GNRHR: variants seen among roughly 807,000 people sequenced by gnomAD.
GNRHR encodes gonadotropin releasing hormone receptor.
In GNRHR, 14 loss-of-function variants were observed where a neutral mutation model predicts 28.1. The ratio of observed to expected loss-of-function variants is 0.50; its 90% CI spans 0.33 to 0.78. The LOEUF is 0.78. Among genes scored for constraint, GNRHR ranks in the 30% least tolerant of loss-of-function variants. The pLI is 0.02. For missense variants in GNRHR, 366 were observed against 382.1 expected, an observed-to-expected ratio of 0.96 and a Z score of 0.35; for synonymous variants, 141 against 140.5, an observed-to-expected ratio of 1.00 and a Z score of -0.02.
chr4:67,740,196 A>T lies in GNRHR; in HGVS notation c.*284T>A, dbSNP rs962799034. 1 of 330,064 alleles carries T rather than the reference A, an allele frequency of 3.0e-6. No homozygotes were observed. Among genetic ancestry groups the T allele is most frequent in the Non-Finnish European group, 5.7e-6 (1 of 175,866 alleles). The allele number at this position is 330,064 out of a possible 1,614,324, so 20.4% of individuals were successfully genotyped here. A position where few individuals can be genotyped will look rare whatever the true frequency, so the allele number is the denominator to read the frequency against. ...TAAATATTAGTACATTATTATGCAA[A>T]GAGAAAGTGATAAGAAACCTACATA... On this transcript the variant is annotated 3_prime_UTR_variant, in exon 3 of 3. Coordinates refer to ENST00000226413, the MANE Select transcript of GNRHR (RefSeq NM_000406.3).
chr4:67,751,932 A>C (rs969144885), intron 1 of GNRHR, among the ~76,000 whole-genome samples: 1 of 151,560 alleles, frequency 6.6e-6, no homozygotes, highest in Non-Finnish European at 1.5e-5. Flanking sequence ...ACAAACAAAC[A>C]CTCCCCTTCC....
At position 67,738,850 on chromosome 4, in the gene GNRHR, G is replaced by C. The variant is rs1189577486; in HGVS notation, c.*1630C>G. 6.6e-6 allele frequency among the ~76,000 whole-genome samples: 1 copy of C among 151,918 alleles called. No individual in the cohort carries two copies. Among genetic ancestry groups the C allele is most frequent in the Non-Finnish European group, 1.5e-5 (1 of 67,870 alleles). ...TGGAAAAGAAGCTATGAATGAAAGAGTGAGTAGACAGAGGGAGTTCAATTG... is the reference window on the plus strand; with the variant it reads ...TGGAAAAGAAGCTATGAATGAAAGACTGAGTAGACAGAGGGAGTTCAATTG... On this transcript the variant is annotated 3_prime_UTR_variant, in exon 3 of 3. Transcript: ENST00000226413.
rs187589682 is a variant in GNRHR at position 67,742,084 on chromosome 4, T to G, written c.743-1360A>C. On this transcript the variant is annotated intron_variant, in intron 2 of 2. Coordinates refer to ENST00000226413, the MANE Select transcript of GNRHR (RefSeq NM_000406.3). ...AGTCCCATCTATTTATCTTTGTTTTTGTTGCATTTGGTTTTGGGCTCTTGG... is the reference window on the plus strand; with the variant it reads ...AGTCCCATCTATTTATCTTTGTTTTGGTTGCATTTGGTTTTGGGCTCTTGG... Among the ~76,000 whole-genome samples the G allele has an allele frequency of 3.1e-3, 459 of 146,560 alleles. 9 individuals carry two copies. Among genetic ancestry groups the G allele is most frequent in the South Asian group, 0.011 (50 of 4,664 alleles).
rs746861473 is a variant in GNRHR, at chr4:67,740,721, A to T, written c.746T>A (p.Leu249Gln). 1 of 1,610,022 alleles carries T rather than the reference A, an allele frequency of 6.2e-7. No individual in the cohort carries two copies. Among genetic ancestry groups the T allele is most frequent in the Non-Finnish European group, 8.5e-7 (1 of 1,176,358 alleles). ...ATTGTTCTTGGACTGATTCAGTTGT[A>T]GTTCTGTTGGATAGAGAAAAGAGCA... ...TRVLHQDPHE[L>Q]QLNQSKNNIP... is the part of the protein sequence containing the mutation. Residue 249 changes from leucine (L) to glutamine (Q), a missense_variant, in exon 3 of 3, where the codon CTA becomes CAA. Leu to Gln is a moderately radical substitution (Grantham distance 113). Coordinates refer to ENST00000226413, the MANE Select transcript of GNRHR (RefSeq NM_000406.3).
chr4:67,738,097 A>G lies in GNRHR; in HGVS notation c.*2383T>C, dbSNP rs1248565424. Among the ~76,000 whole-genome samples, 1 of 151,668 alleles carries G rather than the reference A, an allele frequency of 6.6e-6. No individual in the cohort carries two copies. The highest frequency in any genetic ancestry group is 1.5e-5 in the Non-Finnish European group (1 of 67,758). On this transcript the variant is annotated 3_prime_UTR_variant, in exon 3 of 3. Transcript: ENST00000226413. ...GTGTTATGTTTTTTATTACATATTG[A>G]ACCTTAAGAGAGTTTGTTGGTTTGA...
rs571889283 is a variant in GNRHR, at chr4:67,738,301, A to G, written c.*2179T>C. ...ATGAGCTGCTGTGGCAGTCTGGTCC[A>G]TCCCTCTCAGGACTGTGTTTTTAAA... On this transcript the variant is annotated 3_prime_UTR_variant, in exon 3 of 3. Coordinates refer to ENST00000226413, the MANE Select transcript of GNRHR (RefSeq NM_000406.3). Among the ~76,000 whole-genome samples, 2 of 151,782 alleles carry G rather than the reference A, an allele frequency of 1.3e-5. No homozygotes were observed. Among genetic ancestry groups the G allele is most frequent in the Non-Finnish European group, 2.9e-5 (2 of 67,812 alleles).
At chr4:67,746,287 C>A (rs1731753538) in intron 1 of GNRHR, among the ~76,000 whole-genome samples, 1 of 151,876 alleles carries the variant, frequency 6.6e-6, no homozygotes, top group African/African-American at 2.4e-5. Context: ...GTGAAGGTAT[C>A]CAGAAATATG....
chr4:67,753,687 C>T, intron 1 of GNRHR, 127 bp downstream of exon 1: 1 of 809,204 alleles, frequency 1.2e-6, no homozygotes, highest in South Asian at 1.6e-5. Context: ...TTAAACTTCA[C>T]TCTCTGACTT....
Position 67,754,150 on chromosome 4 carries a change from C to T in GNRHR, c.186G>A (p.Lys62=), listed in dbSNP as rs754062723. The T allele has an allele frequency of 4.3e-6, 7 of 1,613,798 alleles. No individual in the cohort carries two copies. The highest frequency in any genetic ancestry group is 1.1e-5 in the South Asian group (1 of 91,080). ...FNASFLLKLQ[K]WTQKKEKGKK... ...TCCCTTTCTCTTTCTTCTGTGTCCA[C>T]TTCTGAAGTTTCAACAAGAAAGAAG... is the stretch of plus-strand genomic sequence containing the variant. The change falls in exon 1 of 3, where the codon AAG becomes AAA. Residue 62 remains lysine (K), a synonymous_variant. Coordinates refer to ENST00000226413, the MANE Select transcript of GNRHR (RefSeq NM_000406.3).
intron 2 of GNRHR, among the ~76,000 whole-genome samples, chr4:67,743,373 A>G (rs1287864898): frequency 6.6e-6 from 1 of 152,142 alleles, no homozygotes; most frequent in Non-Finnish European, 1.5e-5. Flanking sequence ...GGCAACCACA[A>G]CATGTCATGC....
chr4:67,746,041 A>G (rs1000839536), intron 1 of GNRHR, among the ~76,000 whole-genome samples: 1 of 152,102 alleles, frequency 6.6e-6, no homozygotes, highest in Non-Finnish European at 1.5e-5. Flanking sequence ...TTAAACCGGG[A>G]TAACTTATGA....
In GNRHR at chr4:67,740,439, A is replaced by AC; in HGVS notation, c.*40dup. Reference sequence around the variant, plus strand: ...TCATTCCCAGATGGAGAGATTCATTACCTTACCCTTCTTCATATGACTTCT... The same window carrying AC: ...TCATTCCCAGATGGAGAGATTCATTACCCTTACCCTTCTTCATATGACTTCT... On this transcript the variant is annotated 3_prime_UTR_variant, in exon 3 of 3. Transcript: ENST00000226413. The AC allele has an allele frequency of 1.4e-6, 2 of 1,454,352 alleles. No homozygotes were observed. The highest frequency in any genetic ancestry group is 1.9e-6 in the Non-Finnish European group (2 of 1,035,332). 90.1% of individuals were successfully genotyped at this position (1,454,352 alleles called of 1,614,324 possible). A position where few individuals can be genotyped will look rare whatever the true frequency, so the allele number is the denominator to read the frequency against.
At position 67,739,433 on chromosome 4, in the gene GNRHR, C is replaced by G. The variant is rs975394444; in HGVS notation, c.*1047G>C. 5 of 151,990 alleles carry G rather than the reference C, an allele frequency of 3.3e-5. No homozygotes were observed. Among genetic ancestry groups the G allele is most frequent in the Admixed American group, 3.3e-4 (5 of 15,244 alleles). 9.4% of individuals were successfully genotyped at this position (151,990 alleles called of 1,614,324 possible). ...TGCATAGACTGCAGGTTAAGAAACC[C>G]TGCATCAAGATCTTTCCCTCCTTCC... On this transcript the variant is annotated 3_prime_UTR_variant, in exon 3 of 3. Transcript: ENST00000226413.
chr4:67,743,089 A>T (rs1197189579), intron 2 of GNRHR, among the ~76,000 whole-genome samples: 1 of 152,008 alleles, frequency 6.6e-6, no homozygotes, highest in Non-Finnish European at 1.5e-5. Context: ...AGTAGCTGGG[A>T]CTACAGGCAT....
Position 67,737,207 on chromosome 4 carries a change from G to A in GNRHR, c.*3273C>T, listed in dbSNP as rs1438238442. On this transcript the variant is annotated 3_prime_UTR_variant, in exon 3 of 3. Transcript: ENST00000226413. ...ATTTGGAATTACAGGAATTCACAAG[G>A]AAGAAATTTTTAAGAAATCATGCAG... Among the ~76,000 whole-genome samples the A allele has an allele frequency of 1.3e-5, 2 of 151,970 alleles. No homozygotes were observed. Among genetic ancestry groups the A allele is most frequent in the Non-Finnish European group, 2.9e-5 (2 of 67,934 alleles).
intron 2 of GNRHR, among the ~76,000 whole-genome samples, chr4:67,741,545 T>C (rs1302863816): frequency 6.6e-6 from 1 of 152,192 alleles, no homozygotes; most frequent in Non-Finnish European, 1.5e-5. Context: ...AATGCCTTTT[T>C]TCCCTCCTGG....
chr4:67,737,988 A>G lies in GNRHR; in HGVS notation c.*2492T>C, dbSNP rs1006688519. On this transcript the variant is annotated 3_prime_UTR_variant, in exon 3 of 3. Coordinates refer to ENST00000226413, the MANE Select transcript of GNRHR (RefSeq NM_000406.3). ...AGCCATATTTATCTTTTGTGCCATAAATTTTAGTTTATATATTACATTATA... is the reference window on the plus strand; with the variant it reads ...AGCCATATTTATCTTTTGTGCCATAGATTTTAGTTTATATATTACATTATA... 4.0e-5 allele frequency among the ~76,000 whole-genome samples: 6 copies of G among 151,660 alleles called. No homozygotes were observed. Among genetic ancestry groups the G allele is most frequent in the Non-Finnish European group, 7.4e-5 (5 of 67,718 alleles).
intron 1 of GNRHR, among the ~76,000 whole-genome samples, chr4:67,751,187 A>G (rs112434806): frequency 0.034 from 5,222 of 152,294 alleles, 116 homozygotes; most frequent in Non-Finnish European, 0.056. Flanking sequence ...TCTCAGTTAT[A>G]TGTGTGAGAG....
Position 67,754,361 on chromosome 4 carries a change from C to T in GNRHR, c.-26G>A. On this transcript the variant is annotated 5_prime_UTR_variant, in exon 1 of 3. Transcript: ENST00000226413. ...ATTTTCCCAGGACAGAGCTTCAAGCCTTGTGTCTCTGGTGCATCTGATATT... is the reference window on the plus strand; with the variant it reads ...ATTTTCCCAGGACAGAGCTTCAAGCTTTGTGTCTCTGGTGCATCTGATATT... The T allele has an allele frequency of 1.3e-6, 2 of 1,585,956 alleles. No individual in the cohort carries two copies. Among genetic ancestry groups the T allele is most frequent in the South Asian group, 1.1e-5 (1 of 90,630 alleles).
Sources: gnomAD v4.1 joint callset for allele counts (sites outside exome capture counted in the v4.1 genomes callset) on GRCh38, gnomAD v4.1.1 for gene constraint, MANE v1.5 for transcripts, NCBI Gene and HGNC (gene_info 2026-07-23, HGNC 2026-07-21) for gene names.